The following DLL3 variants were observed in gnomAD, a reference collection of about 807,000 sequenced individuals.
The protein encoded by DLL3 is delta-like protein 3.
A neutral mutation model predicts 55.0 loss-of-function variants in DLL3; 49 were observed. The observed-to-expected ratio is 0.89, with a 90% CI of 0.71 to 1.13. DLL3 has a LOEUF of 1.13. DLL3 is among the 50% of genes most tolerant of loss of function. The probability of loss-of-function intolerance (pLI) is 0.00; values close to 1 mark genes in which losing one functional copy is unlikely to be tolerated. For missense variants in DLL3, 962 were observed against 875.5 expected, an observed-to-expected ratio of 1.10 and a Z score of -1.25; for synonymous variants, 421 against 385.2, an observed-to-expected ratio of 1.09 and a Z score of -1.09.
intron 5 of DLL3, among the ~76,000 whole-genome samples, chr19:39,504,755 G>A (rs958728): frequency 0.28 from 43,238 of 151,918 alleles, 7,268 homozygotes; most frequent in African/African-American, 0.46. Flanking sequence ...GGGTGCAGAG[G>A]TGGCAGTGAG....
chr19:39,500,429 C>CA lies in DLL3; in HGVS notation c.352-186_352-185insA, dbSNP rs892928353. ...TGACAAAGTGAGATTCTCCCCCCCC[C>CA]CCCAAAAAAAAGCCACAGATGTCAT... On this transcript the variant is annotated intron_variant, in intron 2 of 8. Coordinates refer to ENST00000356433, the MANE Select transcript of DLL3 (RefSeq NM_203486.3). Among the ~76,000 whole-genome samples, 6 of 145,128 alleles carry CA rather than the reference C, an allele frequency of 4.1e-5. No individual in the cohort carries two copies. In the South Asian group the frequency reaches 9.1e-4, roughly 22 times the overall value.
intron 5 of DLL3, 76 bp downstream of exon 5, chr19:39,504,364 T>G: frequency 6.7e-7 from 1 of 1,494,810 alleles, no homozygotes; most frequent in African/African-American, 1.4e-5. Flanking sequence ...TGGGGCTCCA[T>G]GAGACACCAG....
intron 8 of DLL3, 144 bp downstream of exon 8, chr19:39,508,058 A>T: frequency 1.2e-6 from 2 of 1,601,770 alleles, no homozygotes; most frequent in Non-Finnish European, 1.7e-6. Context: ...TTTCAGTTCT[A>T]ACTTACTTTC....
chr19:39,504,759 CAGTG>C (rs2079630738), intron 5 of DLL3, among the ~76,000 whole-genome samples: 1 of 151,976 alleles, frequency 6.6e-6, no homozygotes, highest in Non-Finnish European at 1.5e-5. Flanking sequence ...GCAGAGGTGG[CAGTG>C]AGTGAGCCTG....
chr19:39,504,273 T>C lies in DLL3; in HGVS notation c.855T>C (p.Asn285=). Residue 285 remains asparagine (N), a synonymous_variant, in exon 5 of 9, where the codon AAT becomes AAC. Coordinates refer to ENST00000356433, the MANE Select transcript of DLL3 (RefSeq NM_203486.3). The part of the protein sequence containing the change: ...PGPCDGNPCA[N]GGSCSETPRS... Reference sequence around the variant, plus strand: ...CCTGTGACGGGAACCCGTGTGCCAATGGAGGCAGCTGTAGTGTCAGTGTCA... The same window carrying C: ...CCTGTGACGGGAACCCGTGTGCCAACGGAGGCAGCTGTAGTGTCAGTGTCA... 2 of 1,612,672 alleles carry C rather than the reference T, an allele frequency of 1.2e-6. No individual in the cohort carries two copies. The highest frequency in any genetic ancestry group is 8.5e-7 in the Non-Finnish European group (1 of 1,180,030).
intron 6 of DLL3, among the ~76,000 whole-genome samples, chr19:39,506,203 C>T (rs12972029): frequency 0.31 from 34,270 of 111,206 alleles, 4,989 homozygotes; most frequent in Middle Eastern, 0.51. Flanking sequence ...CAGAGTGACA[C>T]TCTGTCTCAA....
chr19:39,507,181 G>T lies in DLL3; in HGVS notation c.1236G>T (p.Ala412=). Residue 412 remains alanine (A), a synonymous_variant, in exon 7 of 9, where the codon GCG becomes GCT. Coordinates refer to ENST00000356433, the MANE Select transcript of DLL3 (RefSeq NM_203486.3). The part of the protein sequence containing the change: ...NGGTCVEGGG[A]HRCSCALGFG... The stretch of plus-strand genomic sequence containing the variant: ...GCACGTGTGTGGAGGGCGGCGGCGC[G>T]CACCGCTGCTCCTGCGCGCTGGGCT... 1 of 1,348,198 alleles carries T rather than the reference G, an allele frequency of 7.4e-7. No individual in the cohort carries two copies. Among genetic ancestry groups the T allele is most frequent in the Non-Finnish European group, 9.4e-7 (1 of 1,058,924 alleles). 83.5% of individuals were successfully genotyped at this position (1,348,198 alleles called of 1,614,324 possible).
rs2079644402 is a variant in DLL3, at chr19:39,506,985, G to A, written c.1094-54G>A. 5.3e-6 allele frequency: 8 copies of A among 1,514,264 alleles called. No individual in the cohort carries two copies. The South Asian group carries it at 7.2e-5, about 14-fold the overall frequency. 93.8% of individuals were successfully genotyped at this position (1,514,264 alleles called of 1,614,324 possible). A position where few individuals can be genotyped will look rare whatever the true frequency, so the allele number is the denominator to read the frequency against. On this transcript the variant is annotated intron_variant, in intron 6 of 8. Transcript: ENST00000356433. Reference sequence around the variant, plus strand: ...ATGACAGAGCTGGGAAACAGCGCGGGCAGGTGGGTCCCCGGCTCCCGGACT... The same window carrying A: ...ATGACAGAGCTGGGAAACAGCGCGGACAGGTGGGTCCCCGGCTCCCGGACT...
intron 5 of DLL3, 59 bp downstream of exon 5, chr19:39,504,347 C>T (rs980068333): frequency 1.3e-5 from 20 of 1,568,644 alleles, no homozygotes; most frequent in Non-Finnish European, 1.7e-5. Context: ...AGCCACAGCC[C>T]TCTCCCTGGG....
Position 39,507,298 on chromosome 19 carries a change from C to A in DLL3, c.1353C>A (p.Leu451=), listed in dbSNP as rs1415685121. 16 of 1,551,884 alleles carry A rather than the reference C, an allele frequency of 1.0e-5. No homozygotes were observed. Among genetic ancestry groups the A allele is most frequent in the Non-Finnish European group, 1.4e-5 (16 of 1,156,478 alleles). The stretch of plus-strand genomic sequence containing the variant: ...GCTGCTACGCCCACTTCTCCGGCCT[C>A]GTCTGCGCTTGCGCTCCCGGCTACA... The part of the protein sequence containing the change: ...GGRCYAHFSG[L]VCACAPGYMG... Residue 451 remains leucine (L), a synonymous_variant, in exon 7 of 9, where the codon CTC becomes CTA. Coordinates refer to ENST00000356433, the MANE Select transcript of DLL3 (RefSeq NM_203486.3).
intron 6 of DLL3, among the ~76,000 whole-genome samples, chr19:39,506,681 A>G (rs1449051084): frequency 6.6e-6 from 1 of 152,010 alleles, no homozygotes; most frequent in Non-Finnish European, 1.5e-5. Context: ...GGGAAGAGAA[A>G]AGGTGGGAAA....
At chr19:39,503,316 G>T (rs1321258742) in intron 4 of DLL3, among the ~76,000 whole-genome samples, 1 of 152,268 alleles carries the variant, frequency 6.6e-6, no homozygotes, top group Non-Finnish European at 1.5e-5. Flanking sequence ...CTCCAGCCCT[G>T]CCTTGCTACT....
Position 39,507,892 on chromosome 19 carries a change from C to T in DLL3, c.1736C>T (p.Ala579Val). ...VDPQGIYVIS[A>V]PSIYAREA ...CCTCAAGGGATTTATGTCATATCTG[C>T]TCCTTCCATCTACGCTCGGGAGGTA... Residue 579 changes from alanine to valine, a missense_variant, in exon 8 of 9, where the codon GCT becomes GTT. Ala to Val is a moderately conservative substitution (Grantham distance 64, BLOSUM62 0). Transcript: ENST00000356433. 3 of 1,614,188 alleles carry T rather than the reference C, an allele frequency of 1.9e-6. No individual in the cohort carries two copies. Among genetic ancestry groups the T allele is most frequent in the Non-Finnish European group, 1.7e-6 (2 of 1,180,040 alleles).
In DLL3 at chr19:39,502,970, C is replaced by T. The variant is rs750529359; in HGVS notation, c.565C>T (p.Arg189Cys). 4 of 1,475,518 alleles carry T rather than the reference C, an allele frequency of 2.7e-6. No homozygotes were observed. The Admixed American group carries it at 7.1e-5, about 26-fold the overall frequency. 91.4% of individuals were successfully genotyped at this position (1,475,518 alleles called of 1,614,324 possible). A position where few individuals can be genotyped will look rare whatever the true frequency, so the allele number is the denominator to read the frequency against. ...GCCTGCCGTCGGGACCGCGTGCACG[C>T]GCCTCTGCCGTCCGCGCAGCGCCCC... Reference protein sequence around the residue: ...EPPAVGTACTRLCRPRSAPSR... With the variant: ...EPPAVGTACTCLCRPRSAPSR... Residue 189 changes from arginine (R) to cysteine (C), a missense_variant, in exon 4 of 9, where the codon CGC (arginine) becomes TGC (cysteine). Physicochemically the swap from Arg to Cys is radical, Grantham distance 180. Coordinates refer to ENST00000356433, the MANE Select transcript of DLL3 (RefSeq NM_203486.3).
chr19:39,502,696 C>G, intron 3 of DLL3, 119 bp from the exon 4 acceptor site: 1 of 1,222,588 alleles, frequency 8.2e-7, no homozygotes, highest in African/African-American at 1.6e-5. Flanking sequence ...GACCCCAGGG[C>G]TCCATGAGGG....
chr19:39,499,279 C>G lies in DLL3; in HGVS notation c.157C>G (p.Arg53Gly). 2 of 1,541,586 alleles carry G rather than the reference C, an allele frequency of 1.3e-6. No individual in the cohort carries two copies. The highest frequency in any genetic ancestry group is 1.7e-6 in the Non-Finnish European group (2 of 1,147,850). ...GGCCCCGCGGTCCCCCTGCAGCGCCCGGCTCCCCTGCCGCCTCTTCTTCAG... is the reference window on the plus strand; with the variant it reads ...GGCCCCGCGGTCCCCCTGCAGCGCCGGGCTCCCCTGCCGCCTCTTCTTCAG... ...PGAPRSPCSA[R>G]LPCRLFFRVC... Residue 53 changes from arginine to glycine, a missense_variant, in exon 2 of 9, where the codon CGG becomes GGG. By Grantham distance (125) the Arg-to-Gly change is moderately radical. Coordinates refer to ENST00000356433, the MANE Select transcript of DLL3 (RefSeq NM_203486.3).
chr19:39,500,100 A>T (rs1200389383), intron 2 of DLL3, among the ~76,000 whole-genome samples: 5 of 151,834 alleles, frequency 3.3e-5, no homozygotes, highest in Non-Finnish European at 7.4e-5. Context: ...ATTCAACCAC[A>T]TCTCTTGAAT....
chr19:39,504,543 G>A lies in DLL3; in HGVS notation c.870+255G>A, dbSNP rs114625648. 1.9e-3 allele frequency among the ~76,000 whole-genome samples: 290 copies of A among 152,270 alleles called. 1 individual carries two copies. The highest frequency in any genetic ancestry group is 6.7e-3 in the African/African-American group (278 of 41,566). ...GTGGAAATGATGAGGAGCCGTGTGG[G>A]GCCACAGCTGCCCCTACTGCGGGAC... On this transcript the variant is annotated intron_variant, in intron 5 of 8. Transcript: ENST00000356433.
At position 39,499,345 on chromosome 19, in the gene DLL3, TC is replaced by T; in HGVS notation, c.227del (p.Pro76ArgfsTer8). On this transcript the variant is annotated frameshift_variant, in exon 2 of 9. Coordinates refer to ENST00000356433, the MANE Select transcript of DLL3 (RefSeq NM_203486.3). LOFTEE classifies it high-confidence loss of function. Reference protein sequence around the residue: ...KPGLSEEAAESPCALGAALSA... With the variant: ...KPGLSEEAAEXPCALGAALSA... ...TGGGCTCTCAGAGGAGGCCGCCGAG[TC>T]CCCGTGCGCCCTGGGCGCGGCGCTG... is the stretch of plus-strand genomic sequence containing the variant. The T allele has an allele frequency of 6.4e-7, 1 of 1,553,244 alleles. No homozygotes were observed.
Sources: gnomAD v4.1 joint callset for allele counts (sites outside exome capture counted in the v4.1 genomes callset) on GRCh38, gnomAD v4.1.1 for gene constraint, MANE v1.5 for transcripts, NCBI Gene and HGNC (gene_info 2026-07-23, HGNC 2026-07-21) for gene names.